The following EPG5 variants were observed in gnomAD, a reference collection of about 807,000 sequenced individuals.
The protein encoded by EPG5 is ectopic P-granules 5 autophagy tethering factor.
In EPG5, 159 loss-of-function variants were observed where a neutral mutation model predicts 302.7. That is an observed-to-expected ratio of 0.53 (90% CI 0.46 to 0.60). The LOEUF (loss-of-function observed/expected upper bound fraction) is 0.60, where lower values mean the gene tolerates loss of function less well. Among genes scored for constraint, EPG5 ranks in the 20% least tolerant of loss-of-function variants. The probability of loss-of-function intolerance (pLI) is 0.00; values close to 1 mark genes in which losing one functional copy is unlikely to be tolerated. For missense variants in EPG5, 2,896 were observed against 3,092.4 expected, an observed-to-expected ratio of 0.94 and a Z score of 1.51; for synonymous variants, 1,158 against 1,136.8, an observed-to-expected ratio of 1.02 and a Z score of -0.37.
chr18:45,835,389 T>G, the EPG5 span, among the ~76,000 whole-genome samples: 1 of 152,190 alleles, frequency 6.6e-6, no homozygotes, highest in African/African-American at 2.4e-5. Flanking sequence ...CTGCATCTCA[T>G]GCATGTACTT....
chr18:45,835,545 G>T, the EPG5 span, among the ~76,000 whole-genome samples: 1 of 152,100 alleles, frequency 6.6e-6, no homozygotes, highest in Non-Finnish European at 1.5e-5. Context: ...GTAACAAACT[G>T]GTGCTGATCT....
intron 28 of EPG5, 28 bp from the exon 29 acceptor site, chr18:45,887,935 G>C: frequency 6.7e-7 from 1 of 1,490,988 alleles, no homozygotes; most frequent in Non-Finnish European, 9.1e-7. Flanking sequence ...TAAGACTGCA[G>C]TCTACAGTAA....
At chr18:45,856,899 T>C (rs1406259527) in intron 42 of EPG5, among the ~76,000 whole-genome samples, 1 of 152,204 alleles carries the variant, frequency 6.6e-6, no homozygotes, top group Non-Finnish European at 1.5e-5. Flanking sequence ...CTTATCCTTC[T>C]TACCAACAGG....
At chr18:45,883,614 G>GTTTTT (rs1174930322) in intron 30 of EPG5, among the ~76,000 whole-genome samples, 5 of 60,718 alleles carry the variant, frequency 8.2e-5, no homozygotes, top group African/African-American at 1.2e-4. Flanking sequence ...CTAGCCTGGT[G>GTTTTT]TTTTTTTTTT....
intron 34 of EPG5, among the ~76,000 whole-genome samples, chr18:45,877,783 G>A (rs1045982061): frequency 3.3e-5 from 5 of 152,070 alleles, no homozygotes; most frequent in Admixed American, 6.6e-5. Flanking sequence ...TCAAGTTTTT[G>A]AAAACAACTC....
At chr18:45,854,466 T>C (rs1393179499) in intron 43 of EPG5, among the ~76,000 whole-genome samples, 1 of 152,180 alleles carries the variant, frequency 6.6e-6, no homozygotes, top group Non-Finnish European at 1.5e-5. Flanking sequence ...GACTGGCCAG[T>C]GCGACTTCCA....
chr18:45,806,287 C>T, the EPG5 span, among the ~76,000 whole-genome samples: 2 of 151,940 alleles, frequency 1.3e-5, no homozygotes, highest in Admixed American at 6.6e-5. Flanking sequence ...ATTCAGATAA[C>T]AGAAAAATGA....
the EPG5 span, among the ~76,000 whole-genome samples, chr18:45,821,260 G>A: frequency 6.6e-6 from 1 of 152,204 alleles, no homozygotes; most frequent in Non-Finnish European, 1.5e-5. Flanking sequence ...AGCACTGTGA[G>A]AAATCCATGC....
the EPG5 span, chr18:45,825,855 C>G: frequency 6.4e-7 from 1 of 1,569,568 alleles, no homozygotes; most frequent in Non-Finnish European, 8.8e-7. Flanking sequence ...TACAGTCTCC[C>G]CTGGAAGGCA....
intron 1 of EPG5, among the ~76,000 whole-genome samples, chr18:45,961,725 G>A (rs1454635981): frequency 2.0e-5 from 3 of 152,036 alleles, no homozygotes; most frequent in Non-Finnish European, 4.4e-5. Context: ...AGGTGTGGTG[G>A]TGGGTGCCTG....
chr18:45,804,658 A>C, the EPG5 span, among the ~76,000 whole-genome samples: 1 of 152,224 alleles, frequency 6.6e-6, no homozygotes, highest in African/African-American at 2.4e-5. Flanking sequence ...GAAGCAGAAT[A>C]AAGACTTTCC....
At chr18:45,887,100 A>G (rs1296008896) in intron 29 of EPG5, among the ~76,000 whole-genome samples, 1 of 152,224 alleles carries the variant, frequency 6.6e-6, no homozygotes, top group African/African-American at 2.4e-5. Flanking sequence ...ATGGTTAACT[A>G]GTGTTTACAT....
chr18:45,885,784 T>C (rs926078088), intron 29 of EPG5, among the ~76,000 whole-genome samples: 22 of 151,862 alleles, frequency 1.4e-4, no homozygotes, highest in Non-Finnish European at 1.6e-4. Flanking sequence ...ACTGGAAAAA[T>C]GTTTTTTTAA....
chr18:45,882,446 C>G lies in EPG5; in HGVS notation c.5346G>C (p.Leu1782=). The G allele has an allele frequency of 6.2e-7, 1 of 1,614,064 alleles. No homozygotes were observed. Among genetic ancestry groups the G allele is most frequent in the Non-Finnish European group, 8.5e-7 (1 of 1,180,012 alleles). The change falls in exon 31 of 44, where the codon CTG becomes CTC. Residue 1782 remains leucine, a synonymous_variant. Transcript: ENST00000282041. ...ACTCCAGAAGCCTGGTACGATCAGACAGAGGAGGTTTAGTGGCGCTTAACC... is the reference window on the plus strand; with the variant it reads ...ACTCCAGAAGCCTGGTACGATCAGAGAGAGGAGGTTTAGTGGCGCTTAACC... ...KQWLSATKPP[L]SDRTRLLESI...
At chr18:45,880,565 G>T (rs2049074927) in intron 31 of EPG5, among the ~76,000 whole-genome samples, 1 of 152,114 alleles carries the variant, frequency 6.6e-6, no homozygotes, top group African/African-American at 2.4e-5. Context: ...AGCTATCTAT[G>T]AGTGTGACAG....
At chr18:45,902,082 T>C (rs1432821182) in intron 25 of EPG5, among the ~76,000 whole-genome samples, 1 of 152,182 alleles carries the variant, frequency 6.6e-6, no homozygotes, top group Non-Finnish European at 1.5e-5. Flanking sequence ...AGTCAGTAAG[T>C]CAAGTCAACA....
Position 45,937,235 on chromosome 18 carries a change from TACACACACAC to T in EPG5, c.2100-2279_2100-2270del, listed in dbSNP as rs57593059. The stretch of plus-strand genomic sequence containing the variant: ...AGTCTGGCATATATATACATATATA[TACACACACAC>T]ACACACACACACACACACACACACA... On this transcript the variant is annotated intron_variant, in intron 10 of 43. Transcript: ENST00000282041. 5.8e-4 allele frequency among the ~76,000 whole-genome samples: 80 copies of T among 136,850 alleles called. 1 individual carries two copies. The highest frequency in any genetic ancestry group is 3.7e-3 in the Middle Eastern group (1 of 272). The allele number at this position is 136,850 out of a possible 152,430, so 89.8% of individuals were successfully genotyped here.
intron 9 of EPG5, among the ~76,000 whole-genome samples, chr18:45,940,287 G>A (rs1308727175): frequency 6.6e-6 from 1 of 152,232 alleles, no homozygotes; most frequent in Non-Finnish European, 1.5e-5. Context: ...AATCAGAAAA[G>A]TGGCAGGAAA....
At chr18:45,897,810 G>GA (rs1355477704) in intron 27 of EPG5, among the ~76,000 whole-genome samples, 1 of 152,154 alleles carries the variant, frequency 6.6e-6, no homozygotes, top group African/African-American at 2.4e-5. Flanking sequence ...ACATTTTGTA[G>GA]AAAAGAGTCT....
Sources: gnomAD v4.1 joint callset for allele counts (sites outside exome capture counted in the v4.1 genomes callset) on GRCh38, gnomAD v4.1.1 for gene constraint, MANE v1.5 for transcripts, NCBI Gene and HGNC (gene_info 2026-07-23, HGNC 2026-07-21) for gene names.